The following NMNAT2 variants were observed in gnomAD, a reference collection of about 807,000 sequenced individuals.
The protein encoded by NMNAT2 is nicotinamide nucleotide adenylyltransferase 2.
Under a neutral mutation model 41.6 loss-of-function variants are expected in NMNAT2, and 11 were observed. The ratio of observed to expected loss-of-function variants is 0.26; its 90% CI spans 0.17 to 0.44. The LOEUF is 0.44. Among genes scored for constraint, NMNAT2 ranks in the 20% least tolerant of loss-of-function variants. The pLI is 1.00. For synonymous variants in NMNAT2, 148 were observed against 151.2 expected, an observed-to-expected ratio of 0.98 and a Z score of 0.16; for missense variants, 288 against 407.7, an observed-to-expected ratio of 0.71 and a Z score of 2.53.
chr1:183,385,564 C>A (rs1403386427), intron 1 of NMNAT2, among the ~76,000 whole-genome samples: 2 of 151,996 alleles, frequency 1.3e-5, no homozygotes, highest in African/African-American at 2.4e-5. Flanking sequence ...ATCACAAAAC[C>A]AAAGCCATGT....
Position 183,389,804 on chromosome 1 carries a change from G to T in NMNAT2, c.85+28379C>A, listed in dbSNP as rs567523589. ...AGAAAGAAAGAAAGAAAGAAAGAAA[G>T]AAAGAAAGAAAGAAAGAAAGAAAGA... On this transcript the variant is annotated intron_variant, in intron 1 of 10. Transcript: ENST00000287713. 1.4e-3 allele frequency among the ~76,000 whole-genome samples: 86 copies of T among 62,618 alleles called. 6 individuals carry two copies. Among genetic ancestry groups the T allele is most frequent in the Non-Finnish European group, 2.1e-3 (65 of 30,938 alleles). 41.1% of individuals were successfully genotyped at this position (62,618 alleles called of 152,430 possible).
chr1:183,270,158 A>G (rs1476672445), intron 8 of NMNAT2, among the ~76,000 whole-genome samples: 2 of 152,216 alleles, frequency 1.3e-5, no homozygotes, highest in African/African-American at 4.8e-5. Context: ...TTCTGGGATT[A>G]CAGTAGTGAG....
At chr1:183,358,754 G>T (rs891453229) in intron 1 of NMNAT2, among the ~76,000 whole-genome samples, 26 of 152,168 alleles carry the variant, frequency 1.7e-4, no homozygotes, top group Non-Finnish European at 8.8e-5. Flanking sequence ...GAATCTCCCA[G>T]CATGCTAAGA....
At chr1:183,398,396 C>T (rs1648716031) in intron 1 of NMNAT2, among the ~76,000 whole-genome samples, 1 of 152,140 alleles carries the variant, frequency 6.6e-6, no homozygotes, top group Non-Finnish European at 1.5e-5. Context: ...TACAGGAGCA[C>T]CCAGATTCAT....
chr1:183,270,162 T>C (rs1005374150), intron 8 of NMNAT2, among the ~76,000 whole-genome samples: 1 of 152,150 alleles, frequency 6.6e-6, no homozygotes, highest in African/African-American at 2.4e-5. Flanking sequence ...GGGATTACAG[T>C]AGTGAGCCAC....
At chr1:183,374,066 G>T (rs1011883717) in intron 1 of NMNAT2, among the ~76,000 whole-genome samples, 2 of 152,174 alleles carry the variant, frequency 1.3e-5, no homozygotes, top group Admixed American at 1.3e-4. Flanking sequence ...CTCAGGTGTT[G>T]TTGTCCTCAA....
At chr1:183,293,579 TG>T in intron 2 of NMNAT2, 125 bp downstream of exon 2, 1 of 736,496 alleles carries the variant, frequency 1.4e-6, no homozygotes, top group Non-Finnish European at 2.4e-6. Context: ...CGCATGGACC[TG>T]GGCATTTTGT....
At chr1:183,373,141 C>T (rs1382702602) in intron 1 of NMNAT2, among the ~76,000 whole-genome samples, 3 of 152,238 alleles carry the variant, frequency 2.0e-5, no homozygotes, top group South Asian at 2.1e-4. Context: ...GTGAGAGAGG[C>T]CCAGGCCATT....
At chr1:183,367,393 G>A (rs1395085200) in intron 1 of NMNAT2, among the ~76,000 whole-genome samples, 2 of 152,186 alleles carry the variant, frequency 1.3e-5, no homozygotes, top group Admixed American at 1.3e-4. Flanking sequence ...AGGAGGTGAA[G>A]TTTGCAGTGA....
chr1:183,383,000 T>C (rs945205602), intron 1 of NMNAT2, among the ~76,000 whole-genome samples: 1 of 152,222 alleles, frequency 6.6e-6, no homozygotes, highest in South Asian at 2.1e-4. Context: ...AGGTTCTCCA[T>C]GAGGGCTCCA....
At chr1:183,252,777 C>T (rs1207267967) in intron 10 of NMNAT2, 34 bp from the exon 11 acceptor site, 1 of 1,520,344 alleles carries the variant, frequency 6.6e-7, no homozygotes, top group Non-Finnish European at 9.1e-7. Context: ...AGATGGACAT[C>T]CACACCCAAA....
chr1:183,278,532 G>A, intron 8 of NMNAT2, 21 bp downstream of exon 8: 1 of 1,580,894 alleles, frequency 6.3e-7, no homozygotes, highest in African/African-American at 1.3e-5. Context: ...CTGGGTGCCA[G>A]GCAATAACCT....
At chr1:183,273,619 G>A (rs549266835) in intron 8 of NMNAT2, among the ~76,000 whole-genome samples, 1 of 152,304 alleles carries the variant, frequency 6.6e-6, no homozygotes, top group Admixed American at 6.5e-5. Flanking sequence ...TCCAGACCTT[G>A]AGATCCAACC....
chr1:183,328,823 A>G (rs1246566164), intron 1 of NMNAT2, among the ~76,000 whole-genome samples: 1 of 152,180 alleles, frequency 6.6e-6, no homozygotes, highest in Non-Finnish European at 1.5e-5. Flanking sequence ...CCTACTTCCC[A>G]TTCCAACATC....
intron 4 of NMNAT2, among the ~76,000 whole-genome samples, chr1:183,288,256 A>T: frequency 6.6e-6 from 1 of 152,184 alleles, no homozygotes. Context: ...GGGCTCCTGC[A>T]TTCTCAGAGG....
At chr1:183,377,683 C>T (rs1231785395) in intron 1 of NMNAT2, among the ~76,000 whole-genome samples, 1 of 152,106 alleles carries the variant, frequency 6.6e-6, no homozygotes, top group Non-Finnish European at 1.5e-5. Context: ...ATCTACTGTC[C>T]TATACAACAT....
rs569089845 is a variant in NMNAT2, at chr1:183,296,050, A to G, written c.86-2257T>C. Among the ~76,000 whole-genome samples, 16 of 152,176 alleles carry G rather than the reference A, an allele frequency of 1.1e-4. No individual in the cohort carries two copies. In the South Asian group the frequency reaches 3.1e-3, roughly 30 times the overall value. Reference sequence around the variant, plus strand: ...TTTTTAGTAGAGATGGGGTTTCACTATGTTAGCCAAACTGGTCTCAAACTC... The same window carrying G: ...TTTTTAGTAGAGATGGGGTTTCACTGTGTTAGCCAAACTGGTCTCAAACTC... On this transcript the variant is annotated intron_variant, in intron 1 of 10. Transcript: ENST00000287713.
At chr1:183,416,130 G>A (rs761390993) in intron 1 of NMNAT2, among the ~76,000 whole-genome samples, 2 of 152,190 alleles carry the variant, frequency 1.3e-5, no homozygotes, top group Non-Finnish European at 2.9e-5. Flanking sequence ...AGAATTGGCA[G>A]GTCAGCATTC....
Position 183,286,657 on chromosome 1 carries a change from C to T in NMNAT2, c.448+5G>A, listed in dbSNP as rs144536172. On this transcript the variant is annotated splice_donor_5th_base_variant and intron_variant, in intron 5 of 10. Transcript: ENST00000287713. ...TCTGAGAATCACACATCAGTGTTCC[C>T]CTACCTGCAGTGGGCTTGGTGGCCA... 8.6e-5 allele frequency: 138 copies of T among 1,605,164 alleles called. 1 individual carries two copies. The African/African-American group carries it at 1.5e-3, about 17-fold the overall frequency.
Sources: allele counts gnomAD v4.1 joint callset (sites outside exome capture counted in the v4.1 genomes callset), GRCh38; gene constraint gnomAD v4.1.1; transcripts MANE v1.5; gene names NCBI Gene and HGNC (gene_info 2026-07-23, HGNC 2026-07-21).